Variants in SOS2 observed in about 807,000 individuals in gnomAD.
The protein encoded by SOS2 is SOS Ras/Rho guanine nucleotide exchange factor 2.
In SOS2, 65 loss-of-function variants were observed where a neutral mutation model predicts 148.2. That is an observed-to-expected ratio of 0.44 (90% CI 0.36 to 0.54). SOS2 has a LOEUF of 0.54. Ranked by LOEUF, SOS2 falls within the 20% of genes least tolerant of loss-of-function variation. The pLI, the probability that SOS2 is intolerant of heterozygous loss-of-function variation, is 0.00. For missense variants in SOS2, 1,341 were observed against 1,590.2 expected, an observed-to-expected ratio of 0.84 and a Z score of 2.67; for synonymous variants, 539 against 537.1, an observed-to-expected ratio of 1.00 and a Z score of -0.05.
At chr14:50,179,268 C>A (rs895605662) in intron 7 of SOS2, among the ~76,000 whole-genome samples, 1 of 151,978 alleles carries the variant, frequency 6.6e-6, no homozygotes, top group East Asian at 1.9e-4. Context: ...TTTCTTCACT[C>A]TAGTTAATTA....
Position 50,159,542 on chromosome 14 carries a change from CAG to C in SOS2, c.1739_1740del (p.Ser580Ter). The stretch of plus-strand genomic sequence containing the variant: ...TTGTCTTCAAAAACAATGTTTTCCT[CAG>C]AGTCTTTTACTACAAAACGATATAC... The part of the protein sequence containing the change: ...PEVYRFVVKD[S>X]EENIVFEDNL... On this transcript the variant is annotated frameshift_variant, in exon 10 of 23. Transcript: ENST00000216373. LOFTEE classifies it high-confidence loss of function. The C allele has an allele frequency of 1.9e-6, 3 of 1,613,804 alleles. No individual in the cohort carries two copies. Among genetic ancestry groups the C allele is most frequent in the Non-Finnish European group, 2.5e-6 (3 of 1,179,790 alleles).
intron 1 of SOS2, chr14:50,215,436 CAG>C (rs1344889280): frequency 1.6e-6 from 2 of 1,276,122 alleles, no homozygotes; most frequent in Non-Finnish European, 2.0e-6. Flanking sequence ...TACACTTCTA[CAG>C]AGACAGTAAA....
At chr14:50,217,238 G>A (rs1341702080) in intron 1 of SOS2, among the ~76,000 whole-genome samples, 1 of 152,062 alleles carries the variant, frequency 6.6e-6, no homozygotes, top group Non-Finnish European at 1.5e-5. Flanking sequence ...AATGGTGACA[G>A]AACAACCAGA....
At chr14:50,163,096 T>G (rs1040628372) in intron 8 of SOS2, among the ~76,000 whole-genome samples, 9 of 151,206 alleles carry the variant, frequency 6.0e-5, no homozygotes, top group African/African-American at 2.2e-4. Flanking sequence ...TCTGTAGAGA[T>G]GGGGTCTCAC....
At chr14:50,149,294 C>T (rs1280976862) in intron 14 of SOS2, among the ~76,000 whole-genome samples, 1 of 152,108 alleles carries the variant, frequency 6.6e-6, no homozygotes, top group Non-Finnish European at 1.5e-5. Context: ...GGTATATATA[C>T]ACAGTGGAAC....
chr14:50,221,634 T>C (rs1279098876), intron 1 of SOS2, among the ~76,000 whole-genome samples: 1 of 152,160 alleles, frequency 6.6e-6, no homozygotes, highest in Non-Finnish European at 1.5e-5. Context: ...TACATCCTCC[T>C]GAGGGGACAG....
chr14:50,173,252 T>C (rs948573868), intron 8 of SOS2, among the ~76,000 whole-genome samples: 2 of 152,164 alleles, frequency 1.3e-5, no homozygotes, highest in East Asian at 3.8e-4. Flanking sequence ...TTTTTCCGTC[T>C]AATCCATGGT....
At chr14:50,199,074 G>C (rs1223673491) in intron 4 of SOS2, among the ~76,000 whole-genome samples, 1 of 152,136 alleles carries the variant, frequency 6.6e-6, no homozygotes. Flanking sequence ...GATCGCTTGA[G>C]CCAGGGAGGC....
chr14:50,135,949 T>C (rs1872408027), intron 18 of SOS2, among the ~76,000 whole-genome samples: 1 of 152,130 alleles, frequency 6.6e-6, no homozygotes, highest in Non-Finnish European at 1.5e-5. Context: ...TTACTGGATT[T>C]AGCTTTATTT....
chr14:50,134,203 A>G lies in SOS2; in HGVS notation c.2995T>C (p.Ser999Pro). ...AAATAATCTGTAAACTCTTTTTCAG[A>G]TGCACTTCCCATGGGGTTAAGGTTT... is the stretch of plus-strand genomic sequence containing the variant. ...FENLNPMGSASEKEFTDYLFN... is the reference protein window; with the variant it reads ...FENLNPMGSAPEKEFTDYLFN... The change falls in exon 19 of 23, where the codon TCT (serine) becomes CCT (proline). Residue 999 changes from serine to proline, a missense_variant. Transcript: ENST00000216373. The G allele has an allele frequency of 6.2e-7, 1 of 1,605,962 alleles. No homozygotes were observed. The highest frequency in any genetic ancestry group is 8.5e-7 in the Non-Finnish European group (1 of 1,173,290).
rs547166052 is a variant in SOS2 at position 50,187,476 on chromosome 14, T to C, written c.714+1021A>G. On this transcript the variant is annotated intron_variant, in intron 5 of 22. Coordinates refer to ENST00000216373, the MANE Select transcript of SOS2 (RefSeq NM_006939.4). ...CATTCTCCTGCCTCAGCCTCCGGAG[T>C]AGCTGGGACTACAGGCGCCCACCAC... is the stretch of plus-strand genomic sequence containing the variant. 6.7e-4 allele frequency among the ~76,000 whole-genome samples: 101 copies of C among 150,764 alleles called. 1 individual carries two copies. Among genetic ancestry groups the C allele is most frequent in the Non-Finnish European group, 1.2e-3 (81 of 67,814 alleles).
At chr14:50,187,551 G>A (rs1272359963) in intron 5 of SOS2, among the ~76,000 whole-genome samples, 4 of 151,536 alleles carry the variant, frequency 2.6e-5, no homozygotes, top group African/African-American at 7.3e-5. Context: ...GGGTTTCACC[G>A]TGTTAGCCAG....
At chr14:50,156,521 C>G (rs10483599) in intron 12 of SOS2, 5,500 of 152,174 alleles carry the variant, frequency 0.036, 349 homozygotes, top group African/African-American at 0.12. Flanking sequence ...TGCAATTAAA[C>G]TAACAAATGT....
intron 1 of SOS2, among the ~76,000 whole-genome samples, chr14:50,213,503 C>A (rs1376057110): frequency 6.6e-6 from 1 of 151,966 alleles, no homozygotes; most frequent in African/African-American, 2.4e-5. Flanking sequence ...AGTTCAAGAC[C>A]AGCCTGGCCT....
chr14:50,144,222 G>C (rs1162118971), intron 16 of SOS2, among the ~76,000 whole-genome samples: 1 of 151,738 alleles, frequency 6.6e-6, no homozygotes, highest in Non-Finnish European at 1.5e-5. Flanking sequence ...ATTTATCCAT[G>C]ATAGAAAACC....
Position 50,231,356 on chromosome 14 carries a change from G to C in SOS2, c.-73C>G. On this transcript the variant is annotated 5_prime_UTR_variant, in exon 1 of 23. Coordinates refer to ENST00000216373, the MANE Select transcript of SOS2 (RefSeq NM_006939.4). ...CCGGTGGCCTGACAGGCAGGGCGCG[G>C]GCCGCCTCGCCTCGCCGGCGGCCGC... The C allele has an allele frequency of 1.6e-6, 1 of 643,850 alleles. No individual in the cohort carries two copies. The highest frequency in any genetic ancestry group is 2.0e-6 in the Non-Finnish European group (1 of 495,302). 39.9% of individuals were successfully genotyped at this position (643,850 alleles called of 1,614,324 possible). A position where few individuals can be genotyped will look rare whatever the true frequency, so the allele number is the denominator to read the frequency against.
intron 1 of SOS2, among the ~76,000 whole-genome samples, chr14:50,209,724 C>T (rs1334255241): frequency 2.0e-5 from 3 of 149,870 alleles, no homozygotes; most frequent in Non-Finnish European, 3.0e-5. Context: ...TGCCACTGCA[C>T]TCCAGCTTGG....
Position 50,143,599 on chromosome 14 carries a change from G to A in SOS2, c.2667+1571C>T, listed in dbSNP as rs529261438. Among the ~76,000 whole-genome samples, 4 of 152,104 alleles carry A rather than the reference G, an allele frequency of 2.6e-5. No individual in the cohort carries two copies. In the East Asian group the frequency reaches 7.7e-4, roughly 29 times the overall value. ...ATTGCAAACCAGCACATACCACCAT[G>A]CCTGACTAATTTTTGTACTTTTAGT... On this transcript the variant is annotated intron_variant, in intron 16 of 22. Transcript: ENST00000216373.
intron 16 of SOS2, among the ~76,000 whole-genome samples, chr14:50,142,306 C>T (rs1359350041): frequency 1.3e-5 from 2 of 152,098 alleles, no homozygotes; most frequent in Non-Finnish European, 2.9e-5. Context: ...CTGCCCCCGG[C>T]CTATTTCATA....
Sources: allele counts gnomAD v4.1 joint callset (sites outside exome capture counted in the v4.1 genomes callset), GRCh38; gene constraint gnomAD v4.1.1; transcripts MANE v1.5; gene names NCBI Gene and HGNC (gene_info 2026-07-23, HGNC 2026-07-21).